WNT7A: variants seen among roughly 807,000 people sequenced by gnomAD.
WNT7A encodes the protein protein Wnt-7a.
A neutral mutation model predicts 28.2 loss-of-function variants in WNT7A; 16 were observed. That is an observed-to-expected ratio of 0.57 (90% CI 0.38 to 0.86). The LOEUF (loss-of-function observed/expected upper bound fraction) is 0.86. WNT7A is among the 40% of genes least tolerant of loss of function. WNT7A has a pLI of 0.00. For missense variants in WNT7A, 411 were observed against 489.7 expected, an observed-to-expected ratio of 0.84 and a Z score of 1.52; for synonymous variants, 190 against 195.9, an observed-to-expected ratio of 0.97 and a Z score of 0.25.
chr3:13,866,772 G>A lies in WNT7A; in HGVS notation c.298+8175C>T, dbSNP rs570352008. 2.6e-5 allele frequency among the ~76,000 whole-genome samples: 4 copies of A among 152,238 alleles called. No individual in the cohort carries two copies. The South Asian group carries it at 8.3e-4, about 32-fold the overall frequency. On this transcript the variant is annotated intron_variant, in intron 2 of 3. Coordinates refer to ENST00000285018, the MANE Select transcript of WNT7A (RefSeq NM_004625.4). Reference sequence around the variant, plus strand: ...CAGAACAACAGGAAACCGCGGGAGGGTTTTACACAGCAGGATGCCACACGG... The same window carrying A: ...CAGAACAACAGGAAACCGCGGGAGGATTTTACACAGCAGGATGCCACACGG...
chr3:13,846,749 C>T (rs1030786396), intron 3 of WNT7A, among the ~76,000 whole-genome samples: 3 of 152,146 alleles, frequency 2.0e-5, no homozygotes, highest in Non-Finnish European at 2.9e-5. Context: ...ACCCTCCTAA[C>T]CACACCACCC....
intron 3 of WNT7A, among the ~76,000 whole-genome samples, chr3:13,842,896 C>T (rs1278124601): frequency 5.9e-5 from 9 of 152,098 alleles, no homozygotes; most frequent in East Asian, 1.9e-4. Context: ...CTTTAAAGGT[C>T]CTGGAATGTG....
chr3:13,825,646 T>C (rs1694181720), intron 3 of WNT7A, among the ~76,000 whole-genome samples: 2 of 152,302 alleles, frequency 1.3e-5, no homozygotes, highest in South Asian at 2.1e-4. Context: ...GGGAGTGTGA[T>C]TAGTGCATAG....
chr3:13,831,244 T>G (rs114358267), intron 3 of WNT7A, among the ~76,000 whole-genome samples: 6,511 of 152,162 alleles, frequency 0.043, 499 homozygotes, highest in African/African-American at 0.15. Context: ...CCACCTCTAA[T>G]AAAAGCCGCT....
chr3:13,825,592 G>A (rs994507894), intron 3 of WNT7A, among the ~76,000 whole-genome samples: 4 of 152,236 alleles, frequency 2.6e-5, no homozygotes, highest in African/African-American at 4.8e-5. Flanking sequence ...TTTAGTAGCG[G>A]GTCTTCCAGC....
chr3:13,833,350 C>T (rs189339280), intron 3 of WNT7A, among the ~76,000 whole-genome samples: 1 of 152,218 alleles, frequency 6.6e-6, no homozygotes, highest in Non-Finnish European at 1.5e-5. Flanking sequence ...GTCCTGCCCA[C>T]ATACTTCCCG....
intron 3 of WNT7A, among the ~76,000 whole-genome samples, chr3:13,842,290 AG>A (rs1694473108): frequency 1.3e-5 from 2 of 152,186 alleles, no homozygotes; most frequent in Non-Finnish European, 2.9e-5. Flanking sequence ...GTGCCACTGC[AG>A]GGGAGAGATG....
intron 3 of WNT7A, among the ~76,000 whole-genome samples, chr3:13,827,871 C>G (rs1259205570): frequency 1.3e-5 from 2 of 152,146 alleles, no homozygotes; most frequent in African/African-American, 4.8e-5. Context: ...AGGATCGATC[C>G]TGCGCTGCCC....
chr3:13,848,067 TA>T lies in WNT7A; in HGVS notation c.570+6464del, dbSNP rs58146750. 1.2e-3 allele frequency among the ~76,000 whole-genome samples: 178 copies of T among 151,682 alleles called. 3 individuals carry two copies. In the South Asian group the frequency reaches 0.012, roughly 10 times the overall value. ...GATTTTTTTAAATTAATGAATTTTT[TA>T]AAAAAAACAGGTCACAGAGTTAAAT... On this transcript the variant is annotated intron_variant, in intron 3 of 3. Transcript: ENST00000285018.
intron 3 of WNT7A, among the ~76,000 whole-genome samples, chr3:13,827,675 A>C (rs895822433): frequency 6.6e-6 from 1 of 152,010 alleles, no homozygotes; most frequent in Non-Finnish European, 1.5e-5. Flanking sequence ...TCAGACAGCA[A>C]CCTCTGGCTC....
rs113079880 is a variant in WNT7A, at chr3:13,864,466, C to T, written c.299-9663G>A. ...TCCCCTTCCCCTCCTGGGTTGTGGA[C>T]GGCCCCTACTTCAGGTGACCCATGT... On this transcript the variant is annotated intron_variant, in intron 2 of 3. Coordinates refer to ENST00000285018, the MANE Select transcript of WNT7A (RefSeq NM_004625.4). 1.7e-3 allele frequency among the ~76,000 whole-genome samples: 259 copies of T among 152,262 alleles called. 1 individual carries two copies. The highest frequency in any genetic ancestry group is 5.2e-3 in the African/African-American group (217 of 41,546).
chr3:13,833,289 T>C (rs1694311532), intron 3 of WNT7A, among the ~76,000 whole-genome samples: 1 of 152,126 alleles, frequency 6.6e-6, no homozygotes, highest in Admixed American at 6.5e-5. Context: ...CAGGTGCTTC[T>C]CATGCCGTCC....
At chr3:13,850,279 A>G (rs1002121111) in intron 3 of WNT7A, among the ~76,000 whole-genome samples, 2 of 152,114 alleles carry the variant, frequency 1.3e-5, no homozygotes, top group African/African-American at 4.8e-5. Context: ...TATCTGGTCA[A>G]ATATGCAAGT....
chr3:13,852,572 G>T (rs1410054400), intron 3 of WNT7A, among the ~76,000 whole-genome samples: 1 of 152,236 alleles, frequency 6.6e-6, no homozygotes, highest in Non-Finnish European at 1.5e-5. Context: ...CGCAAGAGGG[G>T]CTGGAACCCA....
chr3:13,816,784 T>A lies in WNT7A; in HGVS notation c.*2160A>T, dbSNP rs1247855275. 2 of 151,698 alleles carry A rather than the reference T, an allele frequency of 1.3e-5. No homozygotes were observed. The highest frequency in any genetic ancestry group is 1.3e-4 in the Admixed American group (2 of 15,224). The allele number at this position is 151,698 out of a possible 1,614,324, so 9.4% of individuals were successfully genotyped here. A position where few individuals can be genotyped will look rare whatever the true frequency, so the allele number is the denominator to read the frequency against. The stretch of plus-strand genomic sequence containing the variant: ...ATCTGTTTATCCCTTCATCCATCCA[T>A]CTACCCATCCATCCATTTATCCATT... On this transcript the variant is annotated 3_prime_UTR_variant, in exon 4 of 4. Transcript: ENST00000285018.
At chr3:13,864,093 G>C (rs920907975) in intron 2 of WNT7A, among the ~76,000 whole-genome samples, 1 of 152,148 alleles carries the variant, frequency 6.6e-6, no homozygotes, top group African/African-American at 2.4e-5. Context: ...CCAAACAGGA[G>C]GTCGTGAGCA....
At position 13,819,134 on chromosome 3, in the gene WNT7A, A is replaced by C; in HGVS notation, c.860T>G (p.Val287Gly). 6.2e-7 allele frequency: 1 copy of C among 1,614,172 alleles called. No homozygotes were observed. ...YCEEDPVTGSVGTQGRACNKT... is the reference protein window; with the variant it reads ...YCEEDPVTGSGGTQGRACNKT... ...GTTGCAGGCGCGGCCCTGGGTGCCC[A>C]CACTGCCGGTCACCGGGTCCTCCTC... The change falls in exon 4 of 4, where the codon GTG (valine) becomes GGG (glycine). Residue 287 changes from valine to glycine, a missense_variant. Transcript: ENST00000285018.
intron 2 of WNT7A, among the ~76,000 whole-genome samples, chr3:13,867,675 C>T (rs1694932933): frequency 6.6e-6 from 1 of 152,210 alleles, no homozygotes; most frequent in Non-Finnish European, 1.5e-5. Flanking sequence ...GGAACCCACT[C>T]ATCCCTAGGC....
chr3:13,839,254 C>A (rs146400819), intron 3 of WNT7A, among the ~76,000 whole-genome samples: 16 of 152,276 alleles, frequency 1.1e-4, no homozygotes, highest in African/African-American at 3.9e-4. Context: ...CAGGCCCTGC[C>A]CCAGACCCAC....
Sources: allele counts gnomAD v4.1 joint callset (sites outside exome capture counted in the v4.1 genomes callset), GRCh38; gene constraint gnomAD v4.1.1; transcripts MANE v1.5; gene names NCBI Gene and HGNC (gene_info 2026-07-23, HGNC 2026-07-21).